IQSEC1: variants seen among roughly 807,000 people sequenced by gnomAD.
The protein encoded by IQSEC1 is IQ motif and SEC7 domain-containing protein 1.
IQSEC1 carries 31 observed loss-of-function variants against 91.0 expected under a neutral mutation model. The observed-to-expected ratio is 0.34, with a 90% CI of 0.26 to 0.46. IQSEC1 has a LOEUF of 0.46. IQSEC1 is among the 20% of genes least tolerant of loss of function. The probability of loss-of-function intolerance (pLI) is 1.00; values close to 1 mark genes in which losing one functional copy is unlikely to be tolerated. For synonymous variants in IQSEC1, 699 were observed against 662.6 expected (o/e 1.05, Z -0.84); for missense variants, 1,388 against 1,575.6 (o/e 0.88, Z 2.02).
intron 1 of IQSEC1, among the ~76,000 whole-genome samples, chr3:12,997,059 C>T (rs192245957): frequency 2.0e-4 from 30 of 152,234 alleles, no homozygotes; most frequent in Admixed American, 3.3e-4. Flanking sequence ...CAGTAAACAG[C>T]GAAAGAAAAG....
intron 3 of IQSEC1, among the ~76,000 whole-genome samples, chr3:12,927,516 G>C (rs990865628): frequency 1.3e-5 from 2 of 150,610 alleles, no homozygotes; most frequent in Non-Finnish European, 2.9e-5. Flanking sequence ...CCAGGTCCAG[G>C]CCCAGCCGGG....
chr3:13,041,785 G>T (rs1030632885), intron 1 of IQSEC1, among the ~76,000 whole-genome samples: 1 of 152,210 alleles, frequency 6.6e-6, no homozygotes, highest in African/African-American at 2.4e-5. Context: ...CTTAAAGAGG[G>T]AAAGTGACTC....
chr3:12,969,098 T>G lies in IQSEC1; in HGVS notation c.24-27233A>C, dbSNP rs150879656. Among the ~76,000 whole-genome samples the G allele has an allele frequency of 5.9e-3, 894 of 152,158 alleles. 8 individuals are homozygous for G. Among genetic ancestry groups the G allele is most frequent in the African/African-American group, 0.021 (851 of 41,490 alleles). On this transcript the variant is annotated intron_variant, in intron 1 of 13. Coordinates refer to ENST00000613206, the MANE Select transcript of IQSEC1 (RefSeq NM_001134382.3). The stretch of plus-strand genomic sequence containing the variant: ...TCACTGCCCATCTCCACATTCCTCT[T>G]CTCAGCTTCCCATGTTTTCTTTGCT...
intron 1 of IQSEC1, among the ~76,000 whole-genome samples, chr3:13,243,599 G>A (rs186225875): frequency 3.9e-5 from 6 of 152,318 alleles, no homozygotes; most frequent in East Asian, 3.9e-4. Flanking sequence ...GAGGTCAAGC[G>A]GATGCGCTGG....
intron 1 of IQSEC1, among the ~76,000 whole-genome samples, chr3:12,975,815 G>C (rs1475638480): frequency 1.3e-5 from 2 of 152,214 alleles, no homozygotes; most frequent in Non-Finnish European, 1.5e-5. Context: ...TGAGAACCCA[G>C]GACTGAGTCC....
At chr3:12,987,357 G>A (rs909325111) in intron 1 of IQSEC1, among the ~76,000 whole-genome samples, 4 of 152,218 alleles carry the variant, frequency 2.6e-5, no homozygotes, top group African/African-American at 7.2e-5. Context: ...AAAAGAACAC[G>A]GTTCTCACCA....
At chr3:12,902,602 AGT>A (rs1694445248) in intron 13 of IQSEC1, among the ~76,000 whole-genome samples, 169 bp downstream of exon 13, 1 of 131,752 alleles carries the variant, frequency 7.6e-6, no homozygotes, top group Non-Finnish European at 1.6e-5. Context: ...AGGGGCAGGG[AGT>A]GGGTGTCTGC....
At position 13,193,897 on chromosome 3, in the gene IQSEC1, C is replaced by T. The variant is rs573575220; in HGVS notation, c.273-29764G>A. ...TGACAAGGACCATGCCCTGGGGCTTCGGCCACAGACCAAGCTTGGTTTCCT... is the reference window on the plus strand; with the variant it reads ...TGACAAGGACCATGCCCTGGGGCTTTGGCCACAGACCAAGCTTGGTTTCCT... On this transcript the variant is annotated intron_variant, in intron 1 of 15. Transcript: ENST00000648114. The surrounding 1 kb of genome is among the most constrained non-coding windows in gnomAD (Gnocchi z 4.2). 5.9e-5 allele frequency among the ~76,000 whole-genome samples: 9 copies of T among 152,330 alleles called. No individual in the cohort carries two copies. Among genetic ancestry groups the T allele is most frequent in the African/African-American group, 1.9e-4 (8 of 41,582 alleles).
At position 12,941,857 on chromosome 3, in the gene IQSEC1, C is replaced by T. The variant is rs1204515649; in HGVS notation, c.32G>A (p.Gly11Asp). MACRRRYFVE[G>D]EAPSSETGTS... is the part of the protein sequence containing the mutation. The stretch of plus-strand genomic sequence containing the variant: ...GCCAGTCTCACTGCTGGGGGCCTCG[C>T]CCTCGACGCTGCAGAGGAGAGAGAG... The change falls in exon 2 of 14, where the codon GGC (glycine) becomes GAC (aspartate). Residue 11 changes from glycine to aspartate, a missense_variant. By Grantham distance (94) the Gly-to-Asp change is moderately conservative (BLOSUM62 -1). This residue lies in a region of IQSEC1 where 1,059 missense variants were observed against 1,317.8 expected (regional missense o/e 0.80). Transcript: ENST00000613206. 3 of 1,595,822 alleles carry T rather than the reference C, an allele frequency of 1.9e-6. No homozygotes were observed. Among genetic ancestry groups the T allele is most frequent in the African/African-American group, 2.7e-5 (2 of 74,698 alleles).
At position 12,922,096 on chromosome 3, in the gene IQSEC1, A is replaced by T. The variant is rs764149614; in HGVS notation, c.1853+24T>A. The T allele has an allele frequency of 6.5e-7, 1 of 1,547,308 alleles. No homozygotes were observed. Among genetic ancestry groups the T allele is most frequent in the Non-Finnish European group, 8.8e-7 (1 of 1,140,360 alleles). ...GGACACCATTCTTCCCTGATGCAGCAGCCCCAGCCAGCCCGGGCCCCACCT... is the reference window on the plus strand; with the variant it reads ...GGACACCATTCTTCCCTGATGCAGCTGCCCCAGCCAGCCCGGGCCCCACCT... On this transcript the variant is annotated intron_variant, in intron 5 of 13. Transcript: ENST00000613206. The surrounding 1 kb of genome is among the most constrained non-coding windows in gnomAD (Gnocchi z 5.1).
intron 1 of IQSEC1, among the ~76,000 whole-genome samples, chr3:13,222,695 C>T (rs1694685779): frequency 1.3e-5 from 2 of 152,182 alleles, no homozygotes; most frequent in African/African-American, 4.8e-5. Flanking sequence ...CCATTGAAAG[C>T]ACTCCCAGGT....
intron 2 of IQSEC1, among the ~76,000 whole-genome samples, chr3:13,098,858 C>T (rs1375063619): frequency 6.6e-6 from 1 of 152,018 alleles, no homozygotes; most frequent in Non-Finnish European, 1.5e-5. Flanking sequence ...TGAAAATGTC[C>T]TAAAACCGAC....
At chr3:13,106,307 C>T (rs925358589) in intron 2 of IQSEC1, among the ~76,000 whole-genome samples, 3 of 152,202 alleles carry the variant, frequency 2.0e-5, no homozygotes, top group Admixed American at 2.0e-4. Context: ...CTCTCTACCT[C>T]CCCCAGGCCT....
chr3:13,039,527 T>C (rs1160416581), intron 1 of IQSEC1, among the ~76,000 whole-genome samples: 1 of 152,234 alleles, frequency 6.6e-6, no homozygotes, highest in African/African-American at 2.4e-5. Context: ...AGAGCTTTCC[T>C]GGGGAAGGAT....
At position 12,924,009 on chromosome 3, in the gene IQSEC1, C is replaced by A. The variant is rs957679415; in HGVS notation, c.1730+572G>T. 6.6e-6 allele frequency among the ~76,000 whole-genome samples: 1 copy of A among 152,212 alleles called. No individual in the cohort carries two copies. The highest frequency in any genetic ancestry group is 2.4e-5 in the African/African-American group (1 of 41,454). ...GTGGAATCAGGAGGTGGGGGCAGGA[C>A]GCACAGCCCCAATATCCCAGCCGGG... On this transcript the variant is annotated intron_variant, in intron 4 of 13. Coordinates refer to ENST00000613206, the MANE Select transcript of IQSEC1 (RefSeq NM_001134382.3). The surrounding 1 kb of genome is among the most constrained non-coding windows in gnomAD (Gnocchi z 6.3).
intron 1 of IQSEC1, among the ~76,000 whole-genome samples, chr3:13,218,768 C>A (rs1694596744): frequency 6.6e-6 from 1 of 152,168 alleles, no homozygotes; most frequent in Admixed American, 6.5e-5. Context: ...AGCCATTGAA[C>A]ATTCTTGAGT....
intron 1 of IQSEC1, among the ~76,000 whole-genome samples, chr3:13,262,776 G>A (rs6442367): frequency 6.6e-6 from 1 of 152,248 alleles, no homozygotes; most frequent in South Asian, 2.1e-4. Flanking sequence ...GGGTGAACTT[G>A]GAGGACATTG....
At chr3:13,185,522 G>T (rs890462000) in intron 1 of IQSEC1, among the ~76,000 whole-genome samples, 1 of 152,214 alleles carries the variant, frequency 6.6e-6, no homozygotes, top group Non-Finnish European at 1.5e-5. Flanking sequence ...ATATTTCAGT[G>T]TGAAGGCATA....
chr3:12,905,700 C>A (rs1037590139), intron 12 of IQSEC1, among the ~76,000 whole-genome samples: 5 of 152,236 alleles, frequency 3.3e-5, no homozygotes, highest in Non-Finnish European at 5.9e-5. Flanking sequence ...GTGGCAGGGG[C>A]GCTTCTCTGT....
Sources: gnomAD v4.1 joint callset for allele counts (sites outside exome capture counted in the v4.1 genomes callset) on GRCh38, gnomAD v4.1.1 for gene constraint, gnomAD v4.1.1 regional missense constraint, Gnocchi (gnomAD v3.1) non-coding constraint, MANE v1.5 for transcripts, NCBI Gene and HGNC (gene_info 2026-07-23, HGNC 2026-07-21) for gene names.